Variants in TRIO observed in about 807,000 individuals in gnomAD.
The protein encoded by TRIO is trio Rho guanine nucleotide exchange factor.
In TRIO, 58 loss-of-function variants were observed where a neutral mutation model predicts 351.9. That is an observed-to-expected ratio of 0.16 (90% CI 0.13 to 0.21). The LOEUF is 0.21. TRIO is among the 10% of genes least tolerant of loss of function. TRIO has a pLI of 1.00. For synonymous variants in TRIO, 1,758 were observed against 1,595.7 expected, an observed-to-expected ratio of 1.10 and a Z score of -2.42; for missense variants, 3,201 against 4,027.8, an observed-to-expected ratio of 0.79 and a Z score of 5.56.
chr5:14,257,624 C>T (rs1372982522), intron 1 of TRIO, among the ~76,000 whole-genome samples: 1 of 152,058 alleles, frequency 6.6e-6, no homozygotes, highest in African/African-American at 2.4e-5. Flanking sequence ...CTTGACTTTC[C>T]CATTGCCTTA....
At chr5:14,437,803 A>G (rs1471078107) in intron 34 of TRIO, among the ~76,000 whole-genome samples, 1 of 151,896 alleles carries the variant, frequency 6.6e-6, no homozygotes, top group Admixed American at 6.5e-5. Context: ...ATTGGGGAAT[A>G]CACAGTTCAG....
At chr5:14,421,262 T>G (rs1750125794) in intron 34 of TRIO, among the ~76,000 whole-genome samples, 1 of 147,664 alleles carries the variant, frequency 6.8e-6, no homozygotes, top group Non-Finnish European at 1.5e-5. Context: ...TTTTATTTTA[T>G]TTTATTTTAT....
chr5:14,405,682 A>T (rs1748643464), intron 31 of TRIO, among the ~76,000 whole-genome samples, 166 bp from the exon 32 acceptor site: 1 of 152,214 alleles, frequency 6.6e-6, no homozygotes, highest in South Asian at 2.1e-4. Flanking sequence ...GTATTTTTAA[A>T]TAGTCATTTA....
intron 1 of TRIO, among the ~76,000 whole-genome samples, chr5:14,225,869 A>G (rs1050043492): frequency 7.2e-6 from 1 of 138,512 alleles, no homozygotes; most frequent in Non-Finnish European, 1.5e-5. Flanking sequence ...TCCTAGGGCT[A>G]TCTAAGAATT....
At chr5:14,439,006 T>A (rs551851122) in intron 34 of TRIO, among the ~76,000 whole-genome samples, 1 of 151,496 alleles carries the variant, frequency 6.6e-6, no homozygotes, top group African/African-American at 2.4e-5. Context: ...AGATGTGAAC[T>A]TGAGGGTTTT....
At chr5:14,433,981 G>C (rs1337068843) in intron 34 of TRIO, among the ~76,000 whole-genome samples, 1 of 152,004 alleles carries the variant, frequency 6.6e-6, no homozygotes, top group Non-Finnish European at 1.5e-5. Context: ...CATTTTTAAA[G>C]CACCATTTGT....
At chr5:14,453,270 G>C (rs946720043) in intron 34 of TRIO, among the ~76,000 whole-genome samples, 1 of 152,102 alleles carries the variant, frequency 6.6e-6, no homozygotes, top group Non-Finnish European at 1.5e-5. Flanking sequence ...AAGTGACTGC[G>C]ATGTGCTGAT....
chr5:14,420,173 T>C, intron 34 of TRIO, 152 bp downstream of exon 34: 1 of 1,165,326 alleles, frequency 8.6e-7, no homozygotes, highest in Non-Finnish European at 1.2e-6. Context: ...GCATTTCCAG[T>C]CCATCAGCAC....
chr5:14,385,013 TTAATA>T (rs1746415368), intron 21 of TRIO, among the ~76,000 whole-genome samples: 1 of 152,328 alleles, frequency 6.6e-6, no homozygotes, highest in African/African-American at 2.4e-5. Flanking sequence ...TCAACTTTAC[TTAATA>T]TAAGAAAAGC....
intron 13 of TRIO, 129 bp downstream of exon 13, chr5:14,359,660 G>C: frequency 8.8e-7 from 1 of 1,139,428 alleles, no homozygotes; most frequent in East Asian, 2.6e-5. Context: ...CTCTGCACCA[G>C]GAGGGGGTGT....
At chr5:14,506,333 C>T (rs1282054591) in intron 55 of TRIO, among the ~76,000 whole-genome samples, 1 of 152,240 alleles carries the variant, frequency 6.6e-6, no homozygotes, top group Non-Finnish European at 1.5e-5. Context: ...CGGCGACTCC[C>T]CATTGCTAGA....
At chr5:14,484,196 C>T (rs965662781) in intron 46 of TRIO, among the ~76,000 whole-genome samples, 1 of 152,072 alleles carries the variant, frequency 6.6e-6, no homozygotes, top group East Asian at 1.9e-4. Flanking sequence ...GTAGGAATTT[C>T]GTATATATTT....
Position 14,488,712 on chromosome 5 carries a change from T to C in TRIO, c.7632+452T>C, listed in dbSNP as rs1579808945. ...AAATTATCTTTGCGGCATTTTTGAC[T>C]CATCTGCTGGGGAAGACCATTCCCT... is the stretch of plus-strand genomic sequence containing the variant. On this transcript the variant is annotated intron_variant, in intron 48 of 56. Transcript: ENST00000344204. 1.6e-5 allele frequency: 9 copies of C among 567,318 alleles called. No homozygotes were observed. The East Asian group carries it at 2.6e-4, about 17-fold the overall frequency. 35.1% of individuals were successfully genotyped at this position (567,318 alleles called of 1,614,324 possible).
intron 53 of TRIO, among the ~76,000 whole-genome samples, chr5:14,500,050 CAAAAAAAAA>C (rs35276206): frequency 1.1e-5 from 1 of 91,112 alleles, no homozygotes; most frequent in Non-Finnish European, 2.2e-5. Context: ...GACTCTGTCT[CAAAAAAAAA>C]AAAAAAAAAA....
intron 38 of TRIO, among the ~76,000 whole-genome samples, chr5:14,471,825 T>C (rs988640223): frequency 3.9e-5 from 6 of 152,094 alleles, no homozygotes; most frequent in Admixed American, 1.3e-4. Context: ...TCTTTGAACA[T>C]ACTTTACTGG....
intron 1 of TRIO, among the ~76,000 whole-genome samples, chr5:14,228,670 T>C (rs1219347930): frequency 1.3e-5 from 2 of 152,220 alleles, no homozygotes; most frequent in African/African-American, 2.4e-5. Context: ...GAAATTGATA[T>C]CTGCTTTATC....
In TRIO at chr5:14,369,376, C is replaced by T; in HGVS notation, c.3069C>T (p.Val1023=). 6.2e-7 allele frequency: 1 copy of T among 1,611,522 alleles called. No homozygotes were observed. Among genetic ancestry groups the T allele is most frequent in the Non-Finnish European group, 8.5e-7 (1 of 1,178,730 alleles). ...CCTCAAACTTTTCCTGCTCACAGGT[C>T]TGCAGCGTCCTCGAGAGCCTGGAAC... ...SVAFYKTSEQ[V]CSVLESLEQE... The change falls in exon 18 of 57, where the codon GTC becomes GTT. Residue 1023 remains valine, a splice_region_variant and synonymous_variant. Coordinates refer to ENST00000344204, the MANE Select transcript of TRIO (RefSeq NM_007118.4).
intron 1 of TRIO, among the ~76,000 whole-genome samples, chr5:14,169,906 C>T (rs1788996581): frequency 6.6e-6 from 1 of 152,154 alleles, no homozygotes; most frequent in Non-Finnish European, 1.5e-5. Flanking sequence ...TTTAGAAAGG[C>T]TTTATTACTA....
intron 9 of TRIO, among the ~76,000 whole-genome samples, chr5:14,326,101 C>G (rs909210076): frequency 2.0e-5 from 3 of 152,184 alleles, no homozygotes; most frequent in Admixed American, 2.0e-4. Context: ...CAGGCTTTCC[C>G]ATAAAGTCAC....
Sources: gnomAD v4.1 joint callset for allele counts (sites outside exome capture counted in the v4.1 genomes callset) on GRCh38, gnomAD v4.1.1 for gene constraint, MANE v1.5 for transcripts, NCBI Gene and HGNC (gene_info 2026-07-23, HGNC 2026-07-21) for gene names.